DAB1: variants seen among roughly 807,000 people sequenced by gnomAD.
DAB1 encodes disabled homolog 1.
Under a neutral mutation model 64.6 loss-of-function variants are expected in DAB1, and 15 were observed. That is an observed-to-expected ratio of 0.23 (90% confidence interval 0.16 to 0.36). The LOEUF (loss-of-function observed/expected upper bound fraction) is 0.36. Ranked by LOEUF, DAB1 falls within the 10% of genes least tolerant of loss-of-function variation. The probability of loss-of-function intolerance (pLI) is 1.00; values close to 1 mark genes in which losing one functional copy is unlikely to be tolerated. For synonymous variants in DAB1, 235 were observed against 251.9 expected (o/e 0.93, Z 0.64); for missense variants, 596 against 706.7 (o/e 0.84, Z 1.78).
chr1:57,304,175 A>G (rs1204509816), intron 1 of DAB1, among the ~76,000 whole-genome samples: 3 of 152,192 alleles, frequency 2.0e-5, no homozygotes, highest in Non-Finnish European at 2.9e-5. Context: ...AGGAGCAGGC[A>G]CTTCACGTGG....
intron 5 of DAB1, among the ~76,000 whole-genome samples, chr1:58,025,651 G>GTGTATATATATATATATA (rs1264790564): frequency 4.0e-5 from 3 of 75,290 alleles, no homozygotes; most frequent in Non-Finnish European, 6.1e-5. Flanking sequence ...ATATATGTGT[G>GTGTATATATATATATATA]TATATATATA....
At chr1:57,571,589 G>T (rs964263745) in intron 7 of DAB1, among the ~76,000 whole-genome samples, 1 of 152,192 alleles carries the variant, frequency 6.6e-6, no homozygotes, top group Non-Finnish European at 1.5e-5. Context: ...CAGTGTTTGA[G>T]CCTAGGGCCC....
At chr1:57,844,942 C>CT (rs2101920232) in intron 1 of DAB1, among the ~76,000 whole-genome samples, 1 of 152,286 alleles carries the variant, frequency 6.6e-6, no homozygotes, top group African/African-American at 2.4e-5. Flanking sequence ...TATTGACAGC[C>CT]TTGGGTGCTT....
chr1:57,631,573 G>T (rs1402388357), intron 7 of DAB1, among the ~76,000 whole-genome samples: 1 of 150,958 alleles, frequency 6.6e-6, no homozygotes, highest in Non-Finnish European at 1.5e-5. Context: ...TTTACATTTT[G>T]TAAAATGTCC....
At chr1:57,417,780 C>T (rs1684598841) in intron 1 of DAB1, among the ~76,000 whole-genome samples, 1 of 152,082 alleles carries the variant, frequency 6.6e-6, no homozygotes, top group Admixed American at 6.6e-5. Context: ...TTAAAAAAAC[C>T]CATTTTGATG....
At chr1:57,639,388 A>G (rs1646100773) in intron 7 of DAB1, among the ~76,000 whole-genome samples, 1 of 148,450 alleles carries the variant, frequency 6.7e-6, no homozygotes, top group East Asian at 1.9e-4. Context: ...ATAACTTTAT[A>G]AAGTTCTTTA....
exon 2 of DAB1, chr1:58,527,281 CA>C (rs1469915268): frequency 1.1e-6 from 1 of 872,274 alleles, no homozygotes; most frequent in Non-Finnish European, 2.0e-6. Context: ...AGCAGTAGTC[CA>C]ATTTTGTCAG....
intron 1 of DAB1, among the ~76,000 whole-genome samples, chr1:57,840,700 C>T (rs1653011052): frequency 6.6e-6 from 1 of 152,076 alleles, no homozygotes; most frequent in South Asian, 2.1e-4. Context: ...AAGTGCCACA[C>T]TTTAAAACCA....
At chr1:58,537,375 T>C (rs1364223262) in intron 1 of DAB1, among the ~76,000 whole-genome samples, 1 of 152,214 alleles carries the variant, frequency 6.6e-6, no homozygotes, top group Non-Finnish European at 1.5e-5. Context: ...CAAGGGAAAC[T>C]GCCTCAGCAT....
At chr1:58,304,945 T>TAA (rs978865006) in intron 4 of DAB1, among the ~76,000 whole-genome samples, 4 of 151,980 alleles carry the variant, frequency 2.6e-5, no homozygotes, top group Non-Finnish European at 5.9e-5. Flanking sequence ...TATACAACAC[T>TAA]AAAAAAAACA....
intron 6 of DAB1, among the ~76,000 whole-genome samples, chr1:57,795,237 TATC>T (rs1428645822): frequency 6.6e-6 from 1 of 152,188 alleles, no homozygotes; most frequent in East Asian, 1.9e-4. Context: ...AAACCTAAGT[TATC>T]ATCAAAGCAT....
Position 57,023,540 on chromosome 1 carries a change from C to T in DAB1, c.886G>A (p.Val296Ile), listed in dbSNP as rs1436357178. ...FSSVPFGTAA[V>I]PSGYVAMGAV... Reference sequence around the variant, plus strand: ...GTGGAAGAGGGCTTACCTGAGGGTACAGCAGCAGTGCCGAAAGGTACAGAA... The same window carrying T: ...GTGGAAGAGGGCTTACCTGAGGGTATAGCAGCAGTGCCGAAAGGTACAGAA... The change falls in exon 11 of 15, where the codon GTA (valine) becomes ATA (isoleucine). Residue 296 changes from valine to isoleucine, a missense_variant. Val to Ile is a conservative substitution (Grantham distance 29). Transcript: ENST00000371236. 3.8e-6 allele frequency: 6 copies of T among 1,596,120 alleles called. No homozygotes were observed. Among genetic ancestry groups the T allele is most frequent in the Non-Finnish European group, 4.3e-6 (5 of 1,167,518 alleles).
intron 5 of DAB1, among the ~76,000 whole-genome samples, chr1:58,045,855 C>T (rs1158297541): frequency 1.3e-5 from 2 of 151,950 alleles, no homozygotes; most frequent in Admixed American, 6.6e-5. Context: ...CATAGAGATG[C>T]AAGCTTTGGA....
intron 2 of DAB1, among the ~76,000 whole-genome samples, chr1:57,265,422 T>A (rs141891033): frequency 6.6e-5 from 10 of 152,342 alleles, no homozygotes; most frequent in Non-Finnish European, 1.2e-4. Flanking sequence ...AATAGAACTC[T>A]CTTTCCCCCT....
intron 4 of DAB1, among the ~76,000 whole-genome samples, chr1:58,322,942 G>T (rs1662722258): frequency 6.6e-6 from 1 of 152,110 alleles, no homozygotes; most frequent in Non-Finnish European, 1.5e-5. Context: ...CCTTTGTAGG[G>T]ACATGGATGA....
At position 57,961,876 on chromosome 1, in the gene DAB1, G is replaced by A. The variant is rs58966909; in HGVS notation, n.388-77714C>T. On this transcript the variant is annotated intron_variant and non_coding_transcript_variant, in intron 5 of 20. Transcript: ENST00000485760. ...AATCCCAGCTACTCGGGAGGCTGAG[G>A]CAGGAGAATTGCTTGAACCTGGGAG... 2.9e-3 allele frequency among the ~76,000 whole-genome samples: 445 copies of A among 152,174 alleles called. 1 individual carries two copies. Among genetic ancestry groups the A allele is most frequent in the African/African-American group, 0.01 (433 of 41,520 alleles).
At chr1:58,085,167 G>A (rs1650227681) in intron 5 of DAB1, among the ~76,000 whole-genome samples, 1 of 152,164 alleles carries the variant, frequency 6.6e-6, no homozygotes, top group Non-Finnish European at 1.5e-5. Context: ...GTGGGACCTA[G>A]TGCAGACAAG....
intron 2 of DAB1, among the ~76,000 whole-genome samples, chr1:57,253,320 C>T (rs919288549): frequency 6.6e-6 from 1 of 152,134 alleles, no homozygotes; most frequent in African/African-American, 2.4e-5. Context: ...CAGGTATAGA[C>T]CTGGGAGGGA....
At chr1:57,155,744 G>A (rs1464989256) in intron 2 of DAB1, among the ~76,000 whole-genome samples, 1 of 137,914 alleles carries the variant, frequency 7.3e-6, no homozygotes, top group African/African-American at 2.9e-5. Context: ...TTTCAATACA[G>A]AGATCTTTCT....
Sources: allele counts gnomAD v4.1 joint callset (sites outside exome capture counted in the v4.1 genomes callset), GRCh38; gene constraint gnomAD v4.1.1; transcripts MANE v1.5; gene names NCBI Gene and HGNC (gene_info 2026-07-23, HGNC 2026-07-21).